LRRC7: variants seen among roughly 807,000 people sequenced by gnomAD.
The protein encoded by LRRC7 is leucine rich repeat containing 7, also known as leucine-rich repeat-containing protein 7.
LRRC7 carries 23 observed loss-of-function variants against 175.7 expected under a neutral mutation model. The ratio of observed to expected loss-of-function variants is 0.13; its 90% CI spans 0.09 to 0.19. The LOEUF (loss-of-function observed/expected upper bound fraction) is 0.19, where lower values mean the gene tolerates loss of function less well. Ranked by LOEUF, LRRC7 falls within the 10% of genes least tolerant of loss-of-function variation. The probability of loss-of-function intolerance (pLI) is 1.00; values close to 1 mark genes in which losing one functional copy is unlikely to be tolerated. For synonymous variants in LRRC7, 685 were observed against 680.9 expected (o/e 1.01, Z -0.09); for missense variants, 1,354 against 1,904.7 (o/e 0.71, Z 5.38).
intron 1 of LRRC7, among the ~76,000 whole-genome samples, chr1:69,620,475 G>T (rs1440228140): frequency 6.6e-6 from 1 of 152,162 alleles, no homozygotes; most frequent in Non-Finnish European, 1.5e-5. Flanking sequence ...AGTATTACAA[G>T]TGCAGGTTTT....
chr1:70,077,545 G>T (rs555686549), intron 24 of LRRC7, among the ~76,000 whole-genome samples: 40 of 152,234 alleles, frequency 2.6e-4, no homozygotes, highest in South Asian at 4.1e-4. Flanking sequence ...CTCTGATTTA[G>T]TTATTCTTAT....
rs1316009827 is a variant in LRRC7 at position 69,718,164 on chromosome 1, G to GAAAGAAAGAAAGAAAT, written c.100+39696_100+39697insAGAAATAAAGAAAGAA. Reference sequence around the variant, plus strand: ...AGAGAGAAAGAAAGAAAGAAAGAAAGAAAGAAAGAAGAAAAGAAAAGAAAG... The same window carrying GAAAGAAAGAAAGAAAT: ...AGAGAGAAAGAAAGAAAGAAAGAAAGAAAGAAAGAAAGAAATAAAGAAAGAAGAAAAGAAAAGAAAG... On this transcript the variant is annotated intron_variant, in intron 2 of 26. Transcript: ENST00000651989. Among the ~76,000 whole-genome samples the GAAAGAAAGAAAGAAAT allele has an allele frequency of 2.0e-5, 3 of 149,680 alleles. No individual in the cohort carries two copies. In the East Asian group the frequency reaches 5.9e-4, roughly 30 times the overall value.
chr1:69,719,859 T>TA (rs1242029128), intron 2 of LRRC7, among the ~76,000 whole-genome samples: 1 of 151,688 alleles, frequency 6.6e-6, no homozygotes, highest in Non-Finnish European at 1.5e-5. Flanking sequence ...TTTATCATTA[T>TA]AAAATGTTAC....
intron 4 of LRRC7, among the ~76,000 whole-genome samples, chr1:69,807,344 T>C (rs984239326): frequency 1.3e-5 from 2 of 152,066 alleles, no homozygotes; most frequent in African/African-American, 4.8e-5. Flanking sequence ...CATTATGATG[T>C]TAGCTGGTTA....
chr1:70,061,739 C>T (rs34733546), intron 23 of LRRC7, among the ~76,000 whole-genome samples: 1 of 152,038 alleles, frequency 6.6e-6, no homozygotes, highest in African/African-American at 2.4e-5. Flanking sequence ...TAAAAAGAGC[C>T]TTCATCTCCA....
intron 2 of LRRC7, among the ~76,000 whole-genome samples, chr1:69,694,724 A>G (rs1357970320): frequency 7.8e-6 from 1 of 127,430 alleles, no homozygotes; most frequent in Non-Finnish European, 1.7e-5. Flanking sequence ...TGTTTAAAAG[A>G]GTGTGGTACC....
intron 4 of LRRC7, among the ~76,000 whole-genome samples, chr1:69,793,278 G>A (rs2101065378): frequency 1.3e-5 from 2 of 152,184 alleles, no homozygotes; most frequent in Middle Eastern, 6.8e-3. Flanking sequence ...TTGTAGTTAG[G>A]GAAGGTTTTC....
At chr1:70,031,460 T>C (rs952857428) in intron 18 of LRRC7, among the ~76,000 whole-genome samples, 3 of 152,220 alleles carry the variant, frequency 2.0e-5, no homozygotes, top group African/African-American at 7.2e-5. Flanking sequence ...AGTGATGTTA[T>C]GGTGATCCTA....
At chr1:69,959,853 G>A (rs969324618) in intron 8 of LRRC7, among the ~76,000 whole-genome samples, 1 of 152,096 alleles carries the variant, frequency 6.6e-6, no homozygotes, top group Non-Finnish European at 1.5e-5. Flanking sequence ...GATTGTGGTG[G>A]ACAAGCTTTT....
chr1:69,722,651 T>G (rs911240239), intron 2 of LRRC7, among the ~76,000 whole-genome samples: 13 of 152,082 alleles, frequency 8.5e-5, no homozygotes. Flanking sequence ...TTTCTCATTT[T>G]TCTCGTTCTG....
intron 1 of LRRC7, among the ~76,000 whole-genome samples, chr1:69,595,228 T>G (rs1229396223): frequency 6.6e-6 from 1 of 152,116 alleles, no homozygotes; most frequent in Admixed American, 6.5e-5. Context: ...GAGACCATCC[T>G]GGCCAACATG....
At chr1:69,786,381 C>T (rs1025893875) in intron 3 of LRRC7, among the ~76,000 whole-genome samples, 1 of 151,906 alleles carries the variant, frequency 6.6e-6, no homozygotes, top group Admixed American at 6.6e-5. Context: ...CCTTCCCTCT[C>T]TCCCTTCATT....
Position 69,986,226 on chromosome 1 carries a change from A to C in LRRC7, c.787-16A>C. ...AAGTCTCTCAACTAACCCTGAGTTTATGCAATGTCATCAAGTCTATAGGGA... is the reference window on the plus strand; with the variant it reads ...AAGTCTCTCAACTAACCCTGAGTTTCTGCAATGTCATCAAGTCTATAGGGA... On this transcript the variant is annotated splice_polypyrimidine_tract_variant and intron_variant, in intron 9 of 26. Transcript: ENST00000651989. 2 of 1,609,098 alleles carry C rather than the reference A, an allele frequency of 1.2e-6. No homozygotes were observed. The highest frequency in any genetic ancestry group is 1.7e-5 in the Admixed American group (1 of 59,620).
Position 69,755,949 on chromosome 1 carries a change from C to A in LRRC7, c.101-4242C>A, listed in dbSNP as rs186498732. Reference sequence around the variant, plus strand: ...GGGATCACCAGATATTTGTGGACAACCTTTACCATGAAAAATGAAGATCAA... The same window carrying A: ...GGGATCACCAGATATTTGTGGACAAACTTTACCATGAAAAATGAAGATCAA... On this transcript the variant is annotated intron_variant, in intron 2 of 26. Coordinates refer to ENST00000651989, the MANE Select transcript of LRRC7 (RefSeq NM_001370785.2). Among the ~76,000 whole-genome samples the A allele has an allele frequency of 1.2e-3, 175 of 151,860 alleles. 1 individual carries two copies. The highest frequency in any genetic ancestry group is 4.0e-3 in the African/African-American group (166 of 41,458).
At chr1:69,919,563 C>G in intron 7 of LRRC7, 1 of 794,632 alleles carries the variant, frequency 1.3e-6, no homozygotes. Context: ...AGGCGGCCCT[C>G]GACCTGGCGG....
At chr1:69,935,739 A>G (rs1399470393) in intron 8 of LRRC7, among the ~76,000 whole-genome samples, 2 of 152,128 alleles carry the variant, frequency 1.3e-5, no homozygotes, top group African/African-American at 2.4e-5. Flanking sequence ...GTCTGTAGGT[A>G]CTACAATTAT....
chr1:69,637,272 C>T (rs1477235933), intron 1 of LRRC7, among the ~76,000 whole-genome samples: 4 of 151,892 alleles, frequency 2.6e-5, no homozygotes, highest in Non-Finnish European at 5.9e-5. Context: ...TCTAATTCTT[C>T]TTTGAGTTTG....
chr1:69,841,498 C>T (rs776632814), intron 7 of LRRC7, among the ~76,000 whole-genome samples: 7 of 152,018 alleles, frequency 4.6e-5, no homozygotes, highest in Non-Finnish European at 1.0e-4. Context: ...GTCTGGTTCT[C>T]AGCATTGCTG....
At chr1:69,723,360 C>A (rs1796951) in intron 2 of LRRC7, among the ~76,000 whole-genome samples, 66,718 of 151,848 alleles carry the variant, frequency 0.44, 14,911 homozygotes, top group Admixed American at 0.5. Context: ...AAGCAGCACA[C>A]CTTCATTTGA....
Sources: gnomAD v4.1 joint callset for allele counts (sites outside exome capture counted in the v4.1 genomes callset) on GRCh38, gnomAD v4.1.1 for gene constraint, MANE v1.5 for transcripts, NCBI Gene and HGNC (gene_info 2026-07-23, HGNC 2026-07-21) for gene names.